ADGRF4: variants seen among roughly 807,000 people sequenced by gnomAD.
ADGRF4 encodes the protein adhesion G protein-coupled receptor F4, also known as G-protein coupled receptor PGR18.
Under a neutral mutation model 58.5 loss-of-function variants are expected in ADGRF4, and 63 were observed. The observed-to-expected ratio is 1.08, with a 90% confidence interval of 0.88 to 1.33. ADGRF4 has a LOEUF of 1.33. ADGRF4 is among the 40% of genes most tolerant of loss of function. ADGRF4 has a pLI of 0.00. For synonymous variants in ADGRF4, 313 were observed against 295.4 expected, an observed-to-expected ratio of 1.06 and a Z score of -0.61; for missense variants, 931 against 843.9, an observed-to-expected ratio of 1.10 and a Z score of -1.28.
At chr6:47,699,943 C>G (rs976956642) in intron 1 of ADGRF4, among the ~76,000 whole-genome samples, 41 of 149,364 alleles carry the variant, frequency 2.7e-4, no homozygotes, top group Admixed American at 1.2e-3. Context: ...ACCCCCCCCC[C>G]CAAAATGTGG....
At position 47,708,207 on chromosome 6, in the gene ADGRF4, G is replaced by A. The variant is rs376672363; in HGVS notation, c.94-17G>A. The A allele has an allele frequency of 5.6e-6, 9 of 1,604,214 alleles. No homozygotes were observed. Among genetic ancestry groups the A allele is most frequent in the Non-Finnish European group, 7.7e-6 (9 of 1,171,284 alleles). ...GTCCCACAGTAAAGAGGACCATTGG[G>A]AATTTATATTTTTCAGGCTGGAGAT... On this transcript the variant is annotated splice_polypyrimidine_tract_variant and intron_variant, in intron 2 of 9. Coordinates refer to ENST00000283303, the MANE Select transcript of ADGRF4 (RefSeq NM_153838.5).
At chr6:47,711,946 ATCACTTCT>A (rs1771882247) in intron 4 of ADGRF4, among the ~76,000 whole-genome samples, 1 of 152,208 alleles carries the variant, frequency 6.6e-6, no homozygotes, top group Non-Finnish European at 1.5e-5. Flanking sequence ...AAATGAGCAA[ATCACTTCT>A]TCTAACTAGT....
rs76398485 is a variant in ADGRF4, at chr6:47,720,279, G to T, written c.*4-930G>T. Reference sequence around the variant, plus strand: ...TGGGGGTGTTTGGTAAGCACCAGGAGAGGTGGTGGTCCAGGGCAGGGCTGA... The same window carrying T: ...TGGGGGTGTTTGGTAAGCACCAGGATAGGTGGTGGTCCAGGGCAGGGCTGA... On this transcript the variant is annotated intron_variant, in intron 9 of 9. Transcript: ENST00000283303. Among the ~76,000 whole-genome samples, 661 of 152,322 alleles carry T rather than the reference G, an allele frequency of 4.3e-3. 3 individuals carry two copies. The highest frequency in any genetic ancestry group is 0.014 in the African/African-American group (576 of 41,572).
Position 47,716,969 on chromosome 6 carries a change from G to T in ADGRF4, c.1974+122G>T, listed in dbSNP as rs112739997. On this transcript the variant is annotated intron_variant, in intron 7 of 9. Transcript: ENST00000283303. The stretch of plus-strand genomic sequence containing the variant: ...AGTTGAGTTTGTGAGGATGGTTCAA[G>T]GAATCAGCTGTGAAAAGAAAAAAAA... 2.2e-4 allele frequency: 160 copies of T among 723,820 alleles called. No homozygotes were observed. In the African/African-American group the frequency reaches 2.7e-3, roughly 12 times the overall value. 44.8% of individuals were successfully genotyped at this position (723,820 alleles called of 1,614,324 possible).
At chr6:47,719,473 A>G (rs944440482) in intron 9 of ADGRF4, among the ~76,000 whole-genome samples, 13 of 152,124 alleles carry the variant, frequency 8.5e-5, no homozygotes, top group African/African-American at 2.9e-4. Context: ...CTCGCTGCCC[A>G]TTTCCTAGTC....
Position 47,708,347 on chromosome 6 carries a change from G to T in ADGRF4, c.148+69G>T, listed in dbSNP as rs573899877. The T allele has an allele frequency of 1.1e-5, 13 of 1,212,718 alleles. No individual in the cohort carries two copies. The East Asian group carries it at 1.4e-4, about 13-fold the overall frequency. The allele number at this position is 1,212,718 out of a possible 1,614,324, so 75.1% of individuals were successfully genotyped here. On this transcript the variant is annotated intron_variant, in intron 3 of 9. Transcript: ENST00000283303. ...AGAATAAAGGAAGGGCACTGATGTTGCAAGCTTGTCCCCAGACCACAGGCT... is the reference window on the plus strand; with the variant it reads ...AGAATAAAGGAAGGGCACTGATGTTTCAAGCTTGTCCCCAGACCACAGGCT...
intron 1 of ADGRF4, among the ~76,000 whole-genome samples, chr6:47,699,281 T>C (rs985508319): frequency 3.9e-5 from 6 of 152,254 alleles, no homozygotes; most frequent in African/African-American, 4.8e-5. Flanking sequence ...TTGTTTCAAG[T>C]GGCCAATTCT....
At chr6:47,700,386 C>T (rs887737464) in intron 1 of ADGRF4, among the ~76,000 whole-genome samples, 5 of 152,178 alleles carry the variant, frequency 3.3e-5, no homozygotes, top group Admixed American at 2.0e-4. Context: ...CAGAAAGAAG[C>T]TCCAGTACCC....
rs577902244 is a variant in ADGRF4 at position 47,705,254 on chromosome 6, G to A, written c.-16-1976G>A. The stretch of plus-strand genomic sequence containing the variant: ...TCAAAAATTTTTGAAAGCCAAAGTC[G>A]TATATGTGAAACATATGGATACTTT... On this transcript the variant is annotated intron_variant, in intron 1 of 9. Transcript: ENST00000283303. Among the ~76,000 whole-genome samples the A allele has an allele frequency of 4.8e-4, 73 of 152,284 alleles. No individual in the cohort carries two copies. The South Asian group carries it at 0.012, about 25-fold the overall frequency.
chr6:47,719,086 C>T (rs967299317), intron 9 of ADGRF4, among the ~76,000 whole-genome samples: 9 of 152,186 alleles, frequency 5.9e-5, no homozygotes, highest in African/African-American at 9.7e-5. Context: ...GAGTTTCAGA[C>T]TTTCAAACAA....
Position 47,714,099 on chromosome 6 carries a change from C to G in ADGRF4, c.854C>G (p.Pro285Arg). The change falls in exon 6 of 10, where the codon CCA becomes CGA. Residue 285 changes from proline to arginine, a missense_variant. Pro to Arg is a moderately radical substitution (Grantham distance 103). Coordinates refer to ENST00000283303, the MANE Select transcript of ADGRF4 (RefSeq NM_153838.5). ...IPRQELRKLWPNASQAISIAF... is the reference protein window; with the variant it reads ...IPRQELRKLWRNASQAISIAF... ...AGGCAAGAGCTAAGGAAGCTGTGGC[C>G]AAATGCATCCCAAGCCATTAGCATA... 6.2e-7 allele frequency: 1 copy of G among 1,613,980 alleles called. No homozygotes were observed. Among genetic ancestry groups the G allele is most frequent in the Non-Finnish European group, 8.5e-7 (1 of 1,180,000 alleles).
chr6:47,719,884 G>A (rs1017866456), intron 9 of ADGRF4, among the ~76,000 whole-genome samples: 1 of 152,208 alleles, frequency 6.6e-6, no homozygotes, highest in Admixed American at 6.5e-5. Flanking sequence ...AATACTCTCT[G>A]AAGAAGTCTT....
chr6:47,718,480 G>C (rs1406318728), intron 9 of ADGRF4, 35 bp downstream of exon 9: 1 of 1,249,998 alleles, frequency 8.0e-7, no homozygotes, highest in Non-Finnish European at 1.2e-6. Flanking sequence ...AATTTCACTT[G>C]CAATTTGTGT....
At chr6:47,704,500 T>C (rs1037305422) in intron 1 of ADGRF4, among the ~76,000 whole-genome samples, 15 of 152,180 alleles carry the variant, frequency 9.9e-5, no homozygotes, top group African/African-American at 3.4e-4. Context: ...ACACACCCTG[T>C]GAAGAAGACT....
intron 5 of ADGRF4, among the ~76,000 whole-genome samples, chr6:47,713,256 A>C (rs1472258647): frequency 8.6e-6 from 1 of 116,436 alleles, no homozygotes; most frequent in Non-Finnish European, 1.8e-5. Flanking sequence ...ACTGCTGTAG[A>C]ACATAACCAT....
chr6:47,720,898 G>A (rs1252078572), intron 9 of ADGRF4, among the ~76,000 whole-genome samples: 2 of 152,182 alleles, frequency 1.3e-5, no homozygotes, highest in Non-Finnish European at 2.9e-5. Flanking sequence ...CACAGCAGCA[G>A]AGGCATTCTA....
chr6:47,712,168 TG>T lies in ADGRF4; in HGVS notation c.301-186del, dbSNP rs1195898489. Among the ~76,000 whole-genome samples, 3 of 152,218 alleles carry T rather than the reference TG, an allele frequency of 2.0e-5. No homozygotes were observed. The East Asian group carries it at 5.8e-4, about 29-fold the overall frequency. ...GTCAATATCCTGGTTTCTGGTAATT[TG>T]GGTGAAATCCTCTGCCTCTTTCTGA... On this transcript the variant is annotated intron_variant, in intron 4 of 9. Transcript: ENST00000283303.
chr6:47,709,627 T>G (rs1054716553), intron 3 of ADGRF4, among the ~76,000 whole-genome samples: 1 of 152,250 alleles, frequency 6.6e-6, no homozygotes, highest in African/African-American at 2.4e-5. Context: ...ATTTGCAGAT[T>G]CTATATTTGC....
At chr6:47,716,981 G>GA in intron 7 of ADGRF4, 134 bp downstream of exon 7, 1 of 673,462 alleles carries the variant, frequency 1.5e-6, no homozygotes, top group South Asian at 1.8e-5. Flanking sequence ...AATCAGCTGT[G>GA]AAAAGAAAAA....
Sources: allele counts gnomAD v4.1 joint callset (sites outside exome capture counted in the v4.1 genomes callset), GRCh38; gene constraint gnomAD v4.1.1; transcripts MANE v1.5; gene names NCBI Gene and HGNC (gene_info 2026-07-23, HGNC 2026-07-21).